Variants in H6PD observed in about 807,000 individuals in gnomAD.
The protein encoded by H6PD is GDH/6PGL endoplasmic bifunctional protein.
A neutral mutation model predicts 61.2 loss-of-function variants in H6PD; 48 were observed. The ratio of observed to expected loss-of-function variants is 0.78; its 90% confidence interval spans 0.62 to 1.00. The LOEUF (loss-of-function observed/expected upper bound fraction) is 1.00, where lower values mean the gene tolerates loss of function less well. Ranked by LOEUF, H6PD falls within the 50% of genes least tolerant of loss-of-function variation. The probability of loss-of-function intolerance (pLI) is 0.00; values close to 1 mark genes in which losing one functional copy is unlikely to be tolerated. For synonymous variants in H6PD, 480 were observed against 457.9 expected (o/e 1.05, Z -0.62); for missense variants, 1,093 against 1,065.0 (o/e 1.03, Z -0.37).
Position 9,264,950 on chromosome 1 carries a change from G to T in H6PD, c.*81G>T, listed in dbSNP as rs1033156144. 4.1e-6 allele frequency: 6 copies of T among 1,464,632 alleles called. No individual in the cohort carries two copies. The African/African-American group carries it at 8.3e-5, about 20-fold the overall frequency. 90.7% of individuals were successfully genotyped at this position (1,464,632 alleles called of 1,614,324 possible). ...CCCTCCCTTCTCGGCCCCGCCACCTGCCCAGCGTGCCCTGGCTCTCCAGAA... is the reference window on the plus strand; with the variant it reads ...CCCTCCCTTCTCGGCCCCGCCACCTTCCCAGCGTGCCCTGGCTCTCCAGAA... On this transcript the variant is annotated 3_prime_UTR_variant, in exon 5 of 5. Transcript: ENST00000377403.
At chr1:9,247,557 T>C (rs1641220224) in intron 3 of H6PD, among the ~76,000 whole-genome samples, 1 of 151,504 alleles carries the variant, frequency 6.6e-6, no homozygotes, top group Non-Finnish European at 1.5e-5. Context: ...GCAGGCCCAC[T>C]CCCCTCACCC....
chr1:9,240,750 C>G (rs958520350), intron 1 of H6PD, among the ~76,000 whole-genome samples: 19 of 152,176 alleles, frequency 1.2e-4, no homozygotes, highest in African/African-American at 3.4e-4. Context: ...TGGCTAACTT[C>G]AAGTATGTAA....
At chr1:9,252,226 C>T (rs963050343) in intron 3 of H6PD, among the ~76,000 whole-genome samples, 6 of 152,194 alleles carry the variant, frequency 3.9e-5, no homozygotes, top group African/African-American at 1.4e-4. Flanking sequence ...TTCTTTATGT[C>T]ATATTTCTCT....
intron 3 of H6PD, among the ~76,000 whole-genome samples, chr1:9,252,141 G>A (rs1030590154): frequency 7.9e-4 from 121 of 152,232 alleles, no homozygotes; most frequent in African/African-American, 2.4e-3. Context: ...TTCTTGCAGT[G>A]TGTCTGAGTT....
intron 3 of H6PD, among the ~76,000 whole-genome samples, chr1:9,248,090 T>C (rs1294010): frequency 0.98 from 148,997 of 152,288 alleles, 73,054 homozygotes; most frequent in Middle Eastern, 1. Flanking sequence ...CTGGCGCCGC[T>C]GCGCTGTGCT....
chr1:9,256,133 T>G (rs1641508948), intron 3 of H6PD, among the ~76,000 whole-genome samples: 1 of 152,208 alleles, frequency 6.6e-6, no homozygotes, highest in South Asian at 2.1e-4. Context: ...TATATGTTGT[T>G]ATTCTGAGGA....
chr1:9,236,595 G>A (rs573695583), intron 1 of H6PD, among the ~76,000 whole-genome samples: 31 of 152,004 alleles, frequency 2.0e-4, no homozygotes, highest in East Asian at 3.9e-4. Flanking sequence ...CCCTGCCTCC[G>A]GTGACGGAGG....
chr1:9,239,501 C>T (rs1302681303), intron 1 of H6PD, among the ~76,000 whole-genome samples: 3 of 152,038 alleles, frequency 2.0e-5, no homozygotes, highest in African/African-American at 7.2e-5. Context: ...CATAAATGGA[C>T]CAGAACAGGA....
chr1:9,264,884 C>T lies in H6PD; in HGVS notation c.*15C>T. On this transcript the variant is annotated 3_prime_UTR_variant, in exon 5 of 5. Coordinates refer to ENST00000377403, the MANE Select transcript of H6PD (RefSeq NM_004285.4). ...TCCTGGGATGAGGGCGCCTGTGCCCCTTGCCCGCTTCGCTCCTGTGCTTTC... is the reference window on the plus strand; with the variant it reads ...TCCTGGGATGAGGGCGCCTGTGCCCTTTGCCCGCTTCGCTCCTGTGCTTTC... 6.2e-7 allele frequency: 1 copy of T among 1,610,250 alleles called. No homozygotes were observed. The highest frequency in any genetic ancestry group is 8.5e-7 in the Non-Finnish European group (1 of 1,179,890).
chr1:9,257,826 G>C (rs1167512596), intron 3 of H6PD, among the ~76,000 whole-genome samples: 1 of 152,234 alleles, frequency 6.6e-6, no homozygotes, highest in Non-Finnish European at 1.5e-5. Context: ...ATGGCTCCTC[G>C]TGTCTGAGGC....
rs1027367094 is a variant in H6PD at position 9,266,574 on chromosome 1, C to T, written c.*1705C>T. ...TAAGGTCGATTTTTCTGTCTGGCTTCTCCGCACCTTCCACTTGCTCTCTGG... is the reference window on the plus strand; with the variant it reads ...TAAGGTCGATTTTTCTGTCTGGCTTTTCCGCACCTTCCACTTGCTCTCTGG... On this transcript the variant is annotated 3_prime_UTR_variant, in exon 5 of 5. Coordinates refer to ENST00000377403, the MANE Select transcript of H6PD (RefSeq NM_004285.4). 3.3e-5 allele frequency: 5 copies of T among 152,266 alleles called. No homozygotes were observed. Among genetic ancestry groups the T allele is most frequent in the African/African-American group, 1.2e-4 (5 of 41,454 alleles). 9.4% of individuals were successfully genotyped at this position (152,266 alleles called of 1,614,324 possible).
At chr1:9,261,833 C>T (rs1176087987) in intron 3 of H6PD, among the ~76,000 whole-genome samples, 2 of 152,200 alleles carry the variant, frequency 1.3e-5, no homozygotes, top group Admixed American at 6.5e-5. Flanking sequence ...ACGGATTTGA[C>T]GCCTTCTCTT....
Position 9,246,947 on chromosome 1 carries a change from A to C in H6PD, c.628-19A>C. Reference sequence around the variant, plus strand: ...CGTGAGAGTATCCTGCAGCACGCCCAGTCTTCCCCCCCCGACAGGCTGTGG... The same window carrying C: ...CGTGAGAGTATCCTGCAGCACGCCCCGTCTTCCCCCCCCGACAGGCTGTGG... On this transcript the variant is annotated intron_variant, in intron 2 of 4. Coordinates refer to ENST00000377403, the MANE Select transcript of H6PD (RefSeq NM_004285.4). The C allele has an allele frequency of 6.4e-7, 1 of 1,551,602 alleles. No individual in the cohort carries two copies. The highest frequency in any genetic ancestry group is 1.7e-4 in the Middle Eastern group (1 of 5,948).
intron 3 of H6PD, among the ~76,000 whole-genome samples, chr1:9,248,538 C>T (rs1641257345): frequency 6.6e-6 from 1 of 152,076 alleles, no homozygotes; most frequent in African/African-American, 2.4e-5. Context: ...AGTGGTACAC[C>T]CGTAGTCCCA....
Position 9,264,729 on chromosome 1 carries a change from G to T in H6PD, c.2236G>T (p.Val746Phe). Residue 746 changes from valine to phenylalanine, a missense_variant, in exon 5 of 5, where the codon GTC (valine) becomes TTC (phenylalanine). Transcript: ENST00000377403. ...INRAKKVAVL[V>F]MGRMKREITT... ...CCGCGCCAAGAAGGTGGCAGTCCTG[G>T]TCATGGGCAGGATGAAGCGTGAGAT... 1 of 1,613,338 alleles carries T rather than the reference G, an allele frequency of 6.2e-7. No homozygotes were observed. The highest frequency in any genetic ancestry group is 8.5e-7 in the Non-Finnish European group (1 of 1,180,030).
intron 1 of H6PD, among the ~76,000 whole-genome samples, chr1:9,235,857 C>G (rs1640835880): frequency 6.6e-6 from 1 of 152,230 alleles, no homozygotes; most frequent in South Asian, 2.1e-4. Flanking sequence ...AGCGATCCTC[C>G]TGCTTAAGCC....
In H6PD at chr1:9,264,782, T is replaced by C. The variant is rs1285694332; in HGVS notation, c.2289T>C (p.His763=). 1 of 1,612,900 alleles carries C rather than the reference T, an allele frequency of 6.2e-7. No individual in the cohort carries two copies. The highest frequency in any genetic ancestry group is 8.5e-7 in the Non-Finnish European group (1 of 1,179,824). The change falls in exon 5 of 5, where the codon CAT becomes CAC. Residue 763 remains histidine, a synonymous_variant. Transcript: ENST00000377403. ...CCACGCTGGTGAGCCGGGTGGGCCA[T>C]GAGCCCAAGAAGTGGCCCATCTCGG... ...EITTLVSRVG[H]EPKKWPISGV...
intron 3 of H6PD, 39 bp from the exon 4 acceptor site, chr1:9,262,020 T>C (rs911470903): frequency 1.9e-6 from 3 of 1,610,652 alleles, no homozygotes; most frequent in African/African-American, 2.7e-5. Context: ...TTCTGGCCTC[T>C]CTTTAGATCC....
intron 1 of H6PD, among the ~76,000 whole-genome samples, chr1:9,243,874 G>A (rs879452806): frequency 8.6e-5 from 13 of 150,628 alleles, no homozygotes; most frequent in African/African-American, 1.5e-4. Flanking sequence ...AGGCGGGGGC[G>A]GTGGGAGGGG....
Sources: gnomAD v4.1 joint callset for allele counts (sites outside exome capture counted in the v4.1 genomes callset) on GRCh38, gnomAD v4.1.1 for gene constraint, MANE v1.5 for transcripts, NCBI Gene and HGNC (gene_info 2026-07-23, HGNC 2026-07-21) for gene names.